Variants in CPQ observed in about 807,000 individuals in gnomAD.
The protein encoded by CPQ is Ser-Met dipeptidase.
In CPQ, 37 loss-of-function variants were observed where a neutral mutation model predicts 45.7. The observed-to-expected ratio is 0.81, with a 90% CI of 0.62 to 1.07. The LOEUF is 1.07. Ranked by LOEUF, CPQ falls within the 50% of genes least tolerant of loss-of-function variation. The pLI is 0.00. For synonymous variants in CPQ, 186 were observed against 205.8 expected, an observed-to-expected ratio of 0.90 and a Z score of 0.82; for missense variants, 537 against 572.9, an observed-to-expected ratio of 0.94 and a Z score of 0.64.
At chr8:96,882,214 A>G (rs1366694844) in intron 4 of CPQ, among the ~76,000 whole-genome samples, 2 of 152,222 alleles carry the variant, frequency 1.3e-5, no homozygotes, top group Non-Finnish European at 2.9e-5. Flanking sequence ...GGCATCAACC[A>G]TGGCTTTTGC....
chr8:96,692,784 A>G (rs1419310222), intron 1 of CPQ, among the ~76,000 whole-genome samples: 2 of 152,194 alleles, frequency 1.3e-5, no homozygotes, highest in African/African-American at 2.4e-5. Flanking sequence ...TTCAACAGCC[A>G]GAGACCAATG....
chr8:96,998,451 A>G (rs1055138378), intron 5 of CPQ, among the ~76,000 whole-genome samples: 3 of 151,900 alleles, frequency 2.0e-5, no homozygotes, highest in African/African-American at 7.2e-5. Flanking sequence ...AAGAGAACTG[A>G]AAATATAAAA....
chr8:96,661,387 G>C (rs527713245), intron 1 of CPQ, among the ~76,000 whole-genome samples: 10 of 152,016 alleles, frequency 6.6e-5, no homozygotes, highest in African/African-American at 2.4e-4. Flanking sequence ...CACTCTTGGT[G>C]GTGTGCTTTC....
intron 4 of CPQ, among the ~76,000 whole-genome samples, chr8:96,950,109 CT>C (rs1295056025): frequency 6.6e-6 from 1 of 151,990 alleles, no homozygotes; most frequent in Non-Finnish European, 1.5e-5. Flanking sequence ...TGATTCTGAC[CT>C]TTGAAGACTA....
intron 4 of CPQ, among the ~76,000 whole-genome samples, chr8:96,880,546 T>TACC (rs1812209033): frequency 8.3e-5 from 2 of 24,130 alleles, no homozygotes. Flanking sequence ...TATATATATA[T>TACC]ATATATATAT....
chr8:97,067,157 G>A (rs1810653284), intron 7 of CPQ, among the ~76,000 whole-genome samples: 1 of 151,810 alleles, frequency 6.6e-6, no homozygotes, highest in Non-Finnish European at 1.5e-5. Context: ...CAACTCCTGG[G>A]CTCAAGTGAT....
chr8:96,650,891 T>C (rs1261960120), intron 1 of CPQ, among the ~76,000 whole-genome samples: 1 of 152,216 alleles, frequency 6.6e-6, no homozygotes, highest in Non-Finnish European at 1.5e-5. Context: ...TATGATTAAA[T>C]TTTTTATGAG....
Position 96,700,062 on chromosome 8 carries a change from A to G in CPQ, c.-35+54660A>G, listed in dbSNP as rs1809435204. On this transcript the variant is annotated intron_variant, in intron 1 of 7. Transcript: ENST00000220763. ...AGTGTCAACAGGAGACTGGCTTCTC[A>G]CTCCTGGCTAGATGTTGCATGAGGT... Among the ~76,000 whole-genome samples, 12 of 152,010 alleles carry G rather than the reference A, an allele frequency of 7.9e-5. No homozygotes were observed. In the South Asian group the frequency reaches 2.5e-3, roughly 31 times the overall value.
chr8:96,720,961 T>TA (rs1809754800), intron 1 of CPQ, among the ~76,000 whole-genome samples: 2 of 148,514 alleles, frequency 1.3e-5, no homozygotes. Context: ...GTTCATGGGT[T>TA]TTTTTTTTTT....
At chr8:96,712,854 G>C (rs941565311) in intron 1 of CPQ, among the ~76,000 whole-genome samples, 24 of 151,856 alleles carry the variant, frequency 1.6e-4, no homozygotes, top group African/African-American at 5.3e-4. Flanking sequence ...AGTTTCTGCA[G>C]CTGGCTTGAA....
chr8:97,130,416 A>G (rs1383294054), intron 7 of CPQ, among the ~76,000 whole-genome samples: 2 of 129,202 alleles, frequency 1.5e-5, no homozygotes, highest in Non-Finnish European at 3.1e-5. Flanking sequence ...TATCATCGTC[A>G]GCTGTTTTTT....
intron 2 of CPQ, among the ~76,000 whole-genome samples, chr8:96,800,413 G>A (rs948942060): frequency 1.3e-5 from 2 of 152,188 alleles, no homozygotes; most frequent in Non-Finnish European, 2.9e-5. Context: ...TGCCATTCTG[G>A]AGAACAATCT....
intron 1 of CPQ, among the ~76,000 whole-genome samples, chr8:96,710,432 G>C (rs1809591465): frequency 6.6e-6 from 1 of 152,066 alleles, no homozygotes; most frequent in Admixed American, 6.6e-5. Flanking sequence ...CTTCAGATGT[G>C]ACATTAGGTT....
At chr8:97,051,066 C>T (rs1563566560) in intron 6 of CPQ, among the ~76,000 whole-genome samples, 1 of 152,064 alleles carries the variant, frequency 6.6e-6, no homozygotes. Flanking sequence ...AGTACTCCAA[C>T]CCACAGGTCC....
At chr8:97,104,116 C>CA (rs932910840) in intron 7 of CPQ, among the ~76,000 whole-genome samples, 4 of 152,158 alleles carry the variant, frequency 2.6e-5, no homozygotes, top group Admixed American at 6.5e-5. Flanking sequence ...ATGCATGGCA[C>CA]ATAATAATCG....
chr8:96,944,072 T>G (rs1245751326), intron 4 of CPQ, among the ~76,000 whole-genome samples: 1 of 152,184 alleles, frequency 6.6e-6, no homozygotes, highest in Non-Finnish European at 1.5e-5. Flanking sequence ...TCAATCTCTC[T>G]GGAGTTATAC....
At chr8:96,778,432 G>A (rs1290435420) in intron 1 of CPQ, among the ~76,000 whole-genome samples, 1 of 151,960 alleles carries the variant, frequency 6.6e-6, no homozygotes, top group African/African-American at 2.4e-5. Context: ...TATATTCCAG[G>A]GAAAACCAGG....
chr8:96,880,029 T>TAAGA, intron 4 of CPQ, 24 bp downstream of exon 4: 1 of 1,593,956 alleles, frequency 6.3e-7, no homozygotes, highest in Non-Finnish European at 8.6e-7. Context: ...AAGGCTGGCC[T>TAAGA]AAGAATACAG....
intron 7 of CPQ, among the ~76,000 whole-genome samples, chr8:97,122,927 T>TAAATAAAATAAAATA (rs1313373275): frequency 7.7e-5 from 3 of 38,850 alleles, no homozygotes; most frequent in East Asian, 7.0e-4. Flanking sequence ...TAAAATAAAA[T>TAAATAAAATAAAATA]AAATAAAATA....
Sources: allele counts gnomAD v4.1 joint callset (sites outside exome capture counted in the v4.1 genomes callset), GRCh38; gene constraint gnomAD v4.1.1; transcripts MANE v1.5; gene names NCBI Gene and HGNC (gene_info 2026-07-23, HGNC 2026-07-21).